The following ERBIN variants were observed in gnomAD, a reference collection of about 807,000 sequenced individuals.
The protein encoded by ERBIN is densin-180-like protein.
Under a neutral mutation model 158.4 loss-of-function variants are expected in ERBIN, and 60 were observed. The ratio of observed to expected loss-of-function variants is 0.38; its 90% CI spans 0.31 to 0.47. The LOEUF (loss-of-function observed/expected upper bound fraction) is 0.47, where lower values mean the gene tolerates loss of function less well. ERBIN is among the 20% of genes least tolerant of loss of function. The pLI, the probability that ERBIN is intolerant of heterozygous loss-of-function variation, is 0.99. For synonymous variants in ERBIN, 594 were observed against 557.2 expected (o/e 1.07, Z -0.93); for missense variants, 1,610 against 1,648.0 (o/e 0.98, Z 0.40).
chr5:65,937,888 A>G (rs1333538439), intron 1 of ERBIN, among the ~76,000 whole-genome samples: 1 of 152,086 alleles, frequency 6.6e-6, no homozygotes, highest in African/African-American at 2.4e-5. Context: ...AGCCTGGGGG[A>G]CTGAGCTAGA....
intron 13 of ERBIN, among the ~76,000 whole-genome samples, chr5:66,027,411 T>G (rs1756388072): frequency 6.6e-6 from 1 of 152,078 alleles, no homozygotes; most frequent in Admixed American, 6.6e-5. Context: ...TAGATAATTC[T>G]CTCTTAAATA....
intron 7 of ERBIN, 57 bp downstream of exon 7, chr5:66,014,782 C>A: frequency 1.2e-6 from 1 of 859,146 alleles, no homozygotes. Flanking sequence ...ATGATTAAGT[C>A]TTTAAAAATG....
intron 1 of ERBIN, among the ~76,000 whole-genome samples, chr5:65,939,757 CG>C (rs1199611861): frequency 5.3e-5 from 8 of 152,290 alleles, no homozygotes; most frequent in African/African-American, 1.9e-4. Context: ...CTGTGTTGGC[CG>C]GGCTGGTCTC....
intron 1 of ERBIN, among the ~76,000 whole-genome samples, chr5:65,947,853 A>C (rs932463529): frequency 2.4e-4 from 37 of 152,030 alleles, no homozygotes; most frequent in African/African-American, 8.5e-4. Flanking sequence ...CTAAAAATAC[A>C]AAAATTAGCC....
chr5:65,984,221 C>T (rs760266394), intron 1 of ERBIN, among the ~76,000 whole-genome samples: 1 of 151,520 alleles, frequency 6.6e-6, no homozygotes, highest in Non-Finnish European at 1.5e-5. Context: ...GCACACCCAG[C>T]GTGGCCTCCT....
rs182969273 is a variant in ERBIN at position 66,011,797 on chromosome 5, C to T, written c.308-252C>T. Among the ~76,000 whole-genome samples the T allele has an allele frequency of 4.2e-4, 64 of 152,002 alleles. 1 individual carries two copies. The highest frequency in any genetic ancestry group is 3.9e-3 in the Admixed American group (60 of 15,268). On this transcript the variant is annotated intron_variant, in intron 4 of 25. Transcript: ENST00000284037. ...TCCTTAACATCACATGTAGAAGGCA[C>T]TAATTTTCAGAAGGAAAGAAAGGTA...
chr5:66,057,882 T>C (rs564812854), intron 21 of ERBIN, among the ~76,000 whole-genome samples: 3 of 150,458 alleles, frequency 2.0e-5, no homozygotes, highest in Middle Eastern at 6.3e-3. Flanking sequence ...GACATGAACT[T>C]ATCATTTTTT....
intron 3 of ERBIN, among the ~76,000 whole-genome samples, chr5:65,993,124 C>T (rs749882945): frequency 2.6e-5 from 4 of 151,952 alleles, no homozygotes; most frequent in Non-Finnish European, 4.4e-5. Flanking sequence ...GTGCAGATAA[C>T]GTAAAATTTT....
intron 4 of ERBIN, among the ~76,000 whole-genome samples, chr5:66,005,048 A>G (rs1447881768): frequency 6.6e-6 from 1 of 152,140 alleles, no homozygotes; most frequent in Non-Finnish European, 1.5e-5. Flanking sequence ...GATAATTCAG[A>G]GCATGATGTG....
intron 1 of ERBIN, among the ~76,000 whole-genome samples, chr5:65,968,751 G>A (rs115619228): frequency 6.6e-6 from 1 of 152,094 alleles, no homozygotes; most frequent in South Asian, 2.1e-4. Context: ...AGTAGAGACA[G>A]GGTTCCCTGT....
At chr5:66,047,720 G>C (rs1580456933) in intron 18 of ERBIN, among the ~76,000 whole-genome samples, 1 of 151,844 alleles carries the variant, frequency 6.6e-6, no homozygotes, top group East Asian at 1.9e-4. Flanking sequence ...ATTTACAACA[G>C]GAATAATTTT....
chr5:66,019,788 C>G (rs1204889271), intron 7 of ERBIN, among the ~76,000 whole-genome samples: 1 of 152,044 alleles, frequency 6.6e-6, no homozygotes, highest in Non-Finnish European at 1.5e-5. Flanking sequence ...AACTGTTATG[C>G]CATTGACATT....
At chr5:66,047,678 C>T (rs1214762638) in intron 18 of ERBIN, among the ~76,000 whole-genome samples, 1 of 151,912 alleles carries the variant, frequency 6.6e-6, no homozygotes, top group Non-Finnish European at 1.5e-5. Context: ...TCAAGCACAC[C>T]ATCTCTTTTC....
chr5:66,074,939 T>C, intron 22 of ERBIN, 85 bp from the exon 23 acceptor site: 1 of 1,238,528 alleles, frequency 8.1e-7, no homozygotes, highest in Non-Finnish European at 1.2e-6. Context: ...ACTCTAGTGC[T>C]TTTGTAATGC....
In ERBIN at chr5:66,082,508, C is replaced by T. The variant is rs1343431624; in HGVS notation, c.*3978C>T. ...ACCTAAGCTGTAAAATTATGCTTTT[C>T]CCCTCAAGGGATTCAATAAAGCTTA... On this transcript the variant is annotated 3_prime_UTR_variant, in exon 26 of 26. Coordinates refer to ENST00000284037, the MANE Select transcript of ERBIN (RefSeq NM_001253697.2). 1 of 152,142 alleles carries T rather than the reference C, an allele frequency of 6.6e-6. No individual in the cohort carries two copies. The highest frequency in any genetic ancestry group is 2.4e-5 in the African/African-American group (1 of 41,424). 9.4% of individuals were successfully genotyped at this position (152,142 alleles called of 1,614,324 possible).
chr5:66,053,875 A>G lies in ERBIN; in HGVS notation c.2557A>G (p.Thr853Ala), dbSNP rs1233530094. 2 of 1,614,136 alleles carry G rather than the reference A, an allele frequency of 1.2e-6. No homozygotes were observed. The highest frequency in any genetic ancestry group is 1.7e-6 in the Non-Finnish European group (2 of 1,180,012). The change falls in exon 21 of 26, where the codon ACT becomes GCT. Residue 853 changes from threonine to alanine, a missense_variant. Coordinates refer to ENST00000284037, the MANE Select transcript of ERBIN (RefSeq NM_001253697.2). ...CSVDLGISKSTEDLSPQKSGP... is the reference protein window; with the variant it reads ...CSVDLGISKSAEDLSPQKSGP... ...TGTTGACTTAGGTATTTCCAAAAGC[A>G]CTGAAGATCTCTCCCCTCAGAAAAG...
chr5:65,982,521 C>T (rs972619270), intron 1 of ERBIN, among the ~76,000 whole-genome samples: 6 of 152,186 alleles, frequency 3.9e-5, no homozygotes, highest in Non-Finnish European at 5.9e-5. Flanking sequence ...AATTTGATCA[C>T]TCTTTTCCAA....
In ERBIN at chr5:66,025,617, T is replaced by C. The variant is rs1320013970; in HGVS notation, c.890+65T>C. Reference sequence around the variant, plus strand: ...CTTTCAGTTCAGCATGCCATACATATTTTCAGGTATTTGCATAAATGACCT... The same window carrying C: ...CTTTCAGTTCAGCATGCCATACATACTTTCAGGTATTTGCATAAATGACCT... On this transcript the variant is annotated intron_variant, in intron 11 of 25. Transcript: ENST00000284037. The C allele has an allele frequency of 6.6e-6, 8 of 1,220,046 alleles. No homozygotes were observed. The African/African-American group carries it at 1.2e-4, about 18-fold the overall frequency. 75.6% of individuals were successfully genotyped at this position (1,220,046 alleles called of 1,614,324 possible). A position where few individuals can be genotyped will look rare whatever the true frequency, so the allele number is the denominator to read the frequency against.
At chr5:65,951,282 C>T (rs1746473974) in intron 1 of ERBIN, among the ~76,000 whole-genome samples, 1 of 152,126 alleles carries the variant, frequency 6.6e-6, no homozygotes, top group Non-Finnish European at 1.5e-5. Flanking sequence ...TATTGTGTTT[C>T]TCTCTCTTGC....
Sources: allele counts gnomAD v4.1 joint callset (sites outside exome capture counted in the v4.1 genomes callset), GRCh38; gene constraint gnomAD v4.1.1; transcripts MANE v1.5; gene names NCBI Gene and HGNC (gene_info 2026-07-23, HGNC 2026-07-21).